DST: variants seen among roughly 807,000 people sequenced by gnomAD.
The protein encoded by DST is dystonin.
In DST, 253 loss-of-function variants were observed where a neutral mutation model predicts 875.2. The ratio of observed to expected loss-of-function variants is 0.29; its 90% CI spans 0.26 to 0.32. DST has a LOEUF of 0.32. DST is among the 10% of genes least tolerant of loss of function. The probability of loss-of-function intolerance (pLI) is 1.00; values close to 1 mark genes in which losing one functional copy is unlikely to be tolerated. For synonymous variants in DST, 3,124 were observed against 3,197.1 expected (o/e 0.98, Z 0.77); for missense variants, 8,287 against 9,111.6 (o/e 0.91, Z 3.68).
intron 4 of DST, among the ~76,000 whole-genome samples, chr6:56,823,163 C>T (rs1243329792): frequency 6.6e-6 from 1 of 152,134 alleles, no homozygotes; most frequent in Non-Finnish European, 1.5e-5. Context: ...TGGGACAACA[C>T]TATTCTCTGA....
At chr6:56,530,228 T>C in intron 64 of DST, 95 bp from the exon 65 acceptor site, 1 of 918,862 alleles carries the variant, frequency 1.1e-6, no homozygotes, top group South Asian at 3.6e-5. Context: ...TTCTAAACAT[T>C]TTCTGTAGAA....
intron 4 of DST, among the ~76,000 whole-genome samples, chr6:56,760,984 T>C (rs2099615840): frequency 6.6e-6 from 1 of 152,218 alleles, no homozygotes; most frequent in Admixed American, 6.5e-5. Context: ...GGGACACTAA[T>C]TAATGGAATA....
At chr6:56,515,196 T>G (rs2096565689) in intron 72 of DST, among the ~76,000 whole-genome samples, 3 of 152,178 alleles carry the variant, frequency 2.0e-5, no homozygotes, top group Admixed American at 1.3e-4. Flanking sequence ...TTTTTCTATC[T>G]AGATGATTTA....
intron 3 of DST, among the ~76,000 whole-genome samples, chr6:56,899,154 A>G (rs1280725101): frequency 1.1e-4 from 16 of 152,218 alleles, no homozygotes; most frequent in Admixed American, 1.0e-3. Flanking sequence ...GTGACATAAA[A>G]TAATGCCTGT....
chr6:56,882,240 C>T (rs995084622), intron 3 of DST, among the ~76,000 whole-genome samples: 6 of 152,170 alleles, frequency 3.9e-5, no homozygotes, highest in Non-Finnish European at 7.3e-5. Flanking sequence ...TTTCCTGTGG[C>T]TGCAAATTAT....
intron 2 of DST, among the ~76,000 whole-genome samples, chr6:56,943,960 T>C (rs1284021211): frequency 6.6e-6 from 1 of 151,710 alleles, no homozygotes; most frequent in East Asian, 2.0e-4. Flanking sequence ...CTACTAAAAA[T>C]ATAAAAATTA....
rs1214947869 is a variant in DST, at chr6:56,530,046, T to G, written c.17196A>C (p.Glu5732Asp). The G allele has an allele frequency of 1.2e-6, 2 of 1,613,382 alleles. No individual in the cohort carries two copies. Reference sequence around the variant, plus strand: ...TGGGTTCACAATTCACCAGCCTCTTTTCTATGGTTGTAAGCCACTCGTTCA... The same window carrying G: ...TGGGTTCACAATTCACCAGCCTCTTGTCTATGGTTGTAAGCCACTCGTTCA... ...EPLNEWLTTI[E>D]KRLVNCEPIG... The change falls in exon 65 of 104, where the codon GAA (glutamate) becomes GAC (aspartate). Residue 5732 changes from glutamate (E) to aspartate (D), a missense_variant. By Grantham distance (45) the Glu-to-Asp change is conservative. Coordinates refer to ENST00000680361, the MANE Select transcript of DST (RefSeq NM_001374736.1).
At chr6:56,582,508 G>T (rs1237010510) in intron 49 of DST, among the ~76,000 whole-genome samples, 1 of 149,806 alleles carries the variant, frequency 6.7e-6, no homozygotes, top group East Asian at 2.0e-4. Flanking sequence ...CAGAAGCTGA[G>T]TGATGTCAGT....
chr6:56,664,391 T>C (rs779488792), intron 10 of DST, among the ~76,000 whole-genome samples: 1 of 152,230 alleles, frequency 6.6e-6, no homozygotes, highest in Non-Finnish European at 1.5e-5. Context: ...TCAATTTTAC[T>C]GTGATGCCTC....
intron 58 of DST, 54 bp from the exon 59 acceptor site, chr6:56,557,572 T>A: frequency 1.5e-6 from 2 of 1,339,548 alleles, no homozygotes; most frequent in Non-Finnish European, 2.1e-6. Flanking sequence ...TTAACATGAC[T>A]ATGTCTATGA....
intron 4 of DST, among the ~76,000 whole-genome samples, chr6:56,771,499 C>A (rs1291594797): frequency 1.3e-5 from 2 of 152,042 alleles, no homozygotes; most frequent in Non-Finnish European, 2.9e-5. Context: ...TTATTTTTTT[C>A]TAACATTTCT....
intron 66 of DST, 71 bp downstream of exon 66, chr6:56,529,377 C>T: frequency 8.3e-7 from 1 of 1,209,410 alleles, no homozygotes; most frequent in Non-Finnish European, 1.1e-6. Context: ...TAAAATTGTA[C>T]AGAAATAAGG....
chr6:56,519,613 A>T (rs2096658353), intron 69 of DST, among the ~76,000 whole-genome samples: 1 of 152,154 alleles, frequency 6.6e-6, no homozygotes, highest in South Asian at 2.1e-4. Context: ...GTGTGTCACC[A>T]TCACAGCCAC....
intron 95 of DST, 91 bp from the exon 96 acceptor site, chr6:56,470,373 T>A: frequency 9.5e-7 from 1 of 1,056,944 alleles, no homozygotes; most frequent in Admixed American, 3.1e-5. Context: ...TGTAGCTGGT[T>A]AAATCATCAG....
chr6:56,527,723 A>G lies in DST; in HGVS notation c.17692T>C (p.Leu5898=). 1.3e-6 allele frequency: 2 copies of G among 1,599,000 alleles called. No homozygotes were observed. The highest frequency in any genetic ancestry group is 1.7e-6 in the Non-Finnish European group (2 of 1,173,080). Reference sequence around the variant, plus strand: ...GCTTCCAATTTATCTTGAATTATTAAAACTTCATCACCTAAAATTTCAAAG... The same window carrying G: ...GCTTCCAATTTATCTTGAATTATTAGAACTTCATCACCTAAAATTTCAAAG... The part of the protein sequence containing the change: ...LLKQTTGDEV[L]IIQDKLEAIK... The change falls in exon 68 of 104, where the codon TTA becomes CTA. Residue 5898 remains leucine (L), a synonymous_variant. Transcript: ENST00000680361.
intron 3 of DST, among the ~76,000 whole-genome samples, chr6:56,897,719 T>C (rs762603649): frequency 7.9e-5 from 12 of 152,166 alleles, no homozygotes; most frequent in Non-Finnish European, 1.5e-4. Flanking sequence ...CCTGGGAGAC[T>C]GATGGCTGTG....
At chr6:56,752,163 A>G (rs1589647558) in intron 4 of DST, among the ~76,000 whole-genome samples, 1 of 152,102 alleles carries the variant, frequency 6.6e-6, no homozygotes, top group African/African-American at 2.4e-5. Flanking sequence ...AAAACCCACT[A>G]AGCACCAGGC....
intron 12 of DST, 115 bp downstream of exon 12, chr6:56,650,811 C>G (rs1254767396): frequency 1.6e-6 from 1 of 612,334 alleles, no homozygotes; most frequent in African/African-American, 1.9e-5. Context: ...CATATTAACT[C>G]AAATTCTTTA....
intron 3 of DST, among the ~76,000 whole-genome samples, chr6:56,855,091 C>T (rs1294523831): frequency 1.3e-5 from 2 of 152,170 alleles, no homozygotes; most frequent in Non-Finnish European, 2.9e-5. Flanking sequence ...CATAAATGAC[C>T]ATGAGCCACT....
Sources: gnomAD v4.1 joint callset for allele counts (sites outside exome capture counted in the v4.1 genomes callset) on GRCh38, gnomAD v4.1.1 for gene constraint, MANE v1.5 for transcripts, NCBI Gene and HGNC (gene_info 2026-07-23, HGNC 2026-07-21) for gene names.